The following NALF1 variants were observed in gnomAD, a reference collection of about 807,000 sequenced individuals.
NALF1 encodes NALCN channel auxiliary factor 1.
NALF1 carries 3 observed loss-of-function variants against 48.4 expected under a neutral mutation model. That is an observed-to-expected ratio of 0.06 (90% CI 0.03 to 0.16). The LOEUF (loss-of-function observed/expected upper bound fraction) is 0.16, where lower values mean the gene tolerates loss of function less well. NALF1 is among the 10% of genes least tolerant of loss of function. The pLI is 1.00. For missense variants in NALF1, 526 were observed against 571.5 expected, an observed-to-expected ratio of 0.92 and a Z score of 0.81; for synonymous variants, 262 against 245.7, an observed-to-expected ratio of 1.07 and a Z score of -0.62.
chr13:107,697,092 C>T (rs529262475), intron 1 of NALF1, among the ~76,000 whole-genome samples: 30 of 151,916 alleles, frequency 2.0e-4, no homozygotes, highest in African/African-American at 7.0e-4. Context: ...GATAATTTTG[C>T]GGAGTTTTAG....
chr13:107,846,857 T>C (rs1480920821), intron 1 of NALF1, among the ~76,000 whole-genome samples: 1 of 152,204 alleles, frequency 6.6e-6, no homozygotes, highest in African/African-American at 2.4e-5. Flanking sequence ...GATGACTAAA[T>C]AGGCATATAT....
chr13:107,189,792 G>A (rs1450984931), intron 2 of NALF1, among the ~76,000 whole-genome samples: 2 of 152,172 alleles, frequency 1.3e-5, no homozygotes, highest in African/African-American at 2.4e-5. Context: ...TAAATGGGAA[G>A]GGTGCCTAAG....
chr13:107,672,929 T>A (rs867290441), intron 1 of NALF1, among the ~76,000 whole-genome samples: 3 of 152,016 alleles, frequency 2.0e-5, no homozygotes, highest in South Asian at 2.1e-4. Context: ...GCCCAATACT[T>A]CCCTTTTCTT....
chr13:107,838,757 T>C (rs1470817439), intron 1 of NALF1, among the ~76,000 whole-genome samples: 1 of 152,166 alleles, frequency 6.6e-6, no homozygotes, highest in African/African-American at 2.4e-5. Context: ...TACATGCTGT[T>C]GGAGGTTCCA....
At chr13:107,601,310 A>G (rs566275169) in intron 1 of NALF1, among the ~76,000 whole-genome samples, 2 of 152,256 alleles carry the variant, frequency 1.3e-5, no homozygotes, top group East Asian at 3.9e-4. Flanking sequence ...GAACACTTAA[A>G]CGCAAATTTG....
At position 107,163,986 on chromosome 13, in the gene NALF1, T is replaced by C. The variant is rs923771602; in HGVS notation, c.*6511A>G. The C allele has an allele frequency of 1.3e-5, 2 of 152,238 alleles. No homozygotes were observed. The highest frequency in any genetic ancestry group is 2.9e-5 in the Non-Finnish European group (2 of 68,048). 9.4% of individuals were successfully genotyped at this position (152,238 alleles called of 1,614,324 possible). A position where few individuals can be genotyped will look rare whatever the true frequency, so the allele number is the denominator to read the frequency against. On this transcript the variant is annotated 3_prime_UTR_variant, in exon 3 of 3. Coordinates refer to ENST00000375915, the MANE Select transcript of NALF1 (RefSeq NM_001080396.3). ...TTTATATTTCCTATTGTTTTATCCA[T>C]TTTGCAGTGAAATGGTCAGTAGAAA...
chr13:107,278,457 T>C (rs1397690423), intron 1 of NALF1, among the ~76,000 whole-genome samples: 1 of 152,226 alleles, frequency 6.6e-6, no homozygotes, highest in Non-Finnish European at 1.5e-5. Flanking sequence ...GTTTTGTTTT[T>C]CCTCCTTTTG....
intron 1 of NALF1, among the ~76,000 whole-genome samples, chr13:107,723,619 T>C (rs1480755373): frequency 6.6e-6 from 1 of 152,348 alleles, no homozygotes; most frequent in East Asian, 1.9e-4. Context: ...CAGTGCATAC[T>C]ATATACTGAA....
chr13:107,254,134 T>C (rs553756180), intron 1 of NALF1, among the ~76,000 whole-genome samples: 9 of 151,654 alleles, frequency 5.9e-5, no homozygotes, highest in African/African-American at 2.2e-4. Flanking sequence ...TGCAGGCCAA[T>C]TACACACAGG....
chr13:107,639,062 C>T (rs143216141), intron 1 of NALF1, among the ~76,000 whole-genome samples: 301 of 152,148 alleles, frequency 2.0e-3, no homozygotes, highest in Admixed American at 4.5e-3. Flanking sequence ...TACAGTACAT[C>T]CTCAATAAAA....
intron 1 of NALF1, among the ~76,000 whole-genome samples, chr13:107,427,471 T>C (rs929311126): frequency 6.6e-6 from 1 of 152,112 alleles, no homozygotes; most frequent in Non-Finnish European, 1.5e-5. Flanking sequence ...TTTTATTTCT[T>C]AAGAAGAACT....
intron 1 of NALF1, among the ~76,000 whole-genome samples, chr13:107,494,189 C>T (rs1453247481): frequency 1.4e-5 from 2 of 138,438 alleles, no homozygotes; most frequent in Non-Finnish European, 2.9e-5. Flanking sequence ...TCTTGCCATG[C>T]TGAAACCGGT....
chr13:107,485,038 C>T (rs759025521), intron 1 of NALF1, among the ~76,000 whole-genome samples: 1 of 152,096 alleles, frequency 6.6e-6, no homozygotes, highest in Non-Finnish European at 1.5e-5. Flanking sequence ...ATGATAGCCT[C>T]ATAAATGCTA....
chr13:107,504,962 G>T (rs1178825742), intron 1 of NALF1, among the ~76,000 whole-genome samples: 3 of 152,160 alleles, frequency 2.0e-5, no homozygotes, highest in Non-Finnish European at 4.4e-5. Flanking sequence ...CAACACAAAG[G>T]ACCTTGACTT....
rs539832641 is a variant in NALF1 at position 107,442,292 on chromosome 13, T to C, written c.916-231537A>G. 3.3e-5 allele frequency among the ~76,000 whole-genome samples: 5 copies of C among 152,188 alleles called. No homozygotes were observed. The South Asian group carries it at 1.0e-3, about 32-fold the overall frequency. Reference sequence around the variant, plus strand: ...ACAATTTAGAATTCAGACAGTAATTTTGTCCATTTTGTTCACTGCTATATA... The same window carrying C: ...ACAATTTAGAATTCAGACAGTAATTCTGTCCATTTTGTTCACTGCTATATA... On this transcript the variant is annotated intron_variant, in intron 1 of 2. Transcript: ENST00000375915.
intron 1 of NALF1, among the ~76,000 whole-genome samples, chr13:107,519,018 T>A (rs761052977): frequency 9.8e-5 from 15 of 152,308 alleles, no homozygotes; most frequent in Admixed American, 3.3e-4. Context: ...ACTCAGAGGA[T>A]GTGCATCCGA....
chr13:107,505,063 G>A (rs1427537180), intron 1 of NALF1, among the ~76,000 whole-genome samples: 1 of 151,826 alleles, frequency 6.6e-6, no homozygotes, highest in East Asian at 1.9e-4. Context: ...TAAAGGCTAT[G>A]GAGAGAAATT....
intron 1 of NALF1, among the ~76,000 whole-genome samples, chr13:107,803,916 G>A (rs1878694780): frequency 6.6e-6 from 1 of 152,124 alleles, no homozygotes; most frequent in East Asian, 1.9e-4. Context: ...CATGCACCAT[G>A]GAGCTGCTTC....
intron 1 of NALF1, among the ~76,000 whole-genome samples, chr13:107,797,351 G>A (rs905474780): frequency 3.9e-5 from 6 of 151,956 alleles, no homozygotes; most frequent in African/African-American, 1.5e-4. Flanking sequence ...GAATACAGGC[G>A]CCCACCACCA....
Sources: allele counts gnomAD v4.1 joint callset (sites outside exome capture counted in the v4.1 genomes callset), GRCh38; gene constraint gnomAD v4.1.1; transcripts MANE v1.5; gene names NCBI Gene and HGNC (gene_info 2026-07-23, HGNC 2026-07-21).